Variants in AQR observed in about 807,000 individuals in gnomAD.
The protein encoded by AQR is aquarius intron-binding spliceosomal factor, also known as RNA helicase aquarius.
In AQR, 61 loss-of-function variants were observed where a neutral mutation model predicts 180.5. The ratio of observed to expected loss-of-function variants is 0.34; its 90% CI spans 0.28 to 0.42. The LOEUF (loss-of-function observed/expected upper bound fraction) is 0.42, where lower values mean the gene tolerates loss of function less well. Ranked by LOEUF, AQR falls within the 10% of genes least tolerant of loss-of-function variation. AQR has a pLI of 1.00. For missense variants in AQR, 1,281 were observed against 1,798.3 expected, an observed-to-expected ratio of 0.71 and a Z score of 5.20; for synonymous variants, 551 against 588.8, an observed-to-expected ratio of 0.94 and a Z score of 0.93.
At chr15:34,965,815 C>T (rs1282013311) in intron 1 of AQR, among the ~76,000 whole-genome samples, 1 of 152,194 alleles carries the variant, frequency 6.6e-6, no homozygotes, top group East Asian at 1.9e-4. Context: ...CAGTCATCTT[C>T]TTCTTACATC....
chr15:34,853,420 C>T lies in AQR; in HGVS notation c.*3372G>A, dbSNP rs1196568302. 1 of 152,106 alleles carries T rather than the reference C, an allele frequency of 6.6e-6. No individual in the cohort carries two copies. Among genetic ancestry groups the T allele is most frequent in the Non-Finnish European group, 1.5e-5 (1 of 68,006 alleles). 9.4% of individuals were successfully genotyped at this position (152,106 alleles called of 1,614,324 possible). On this transcript the variant is annotated 3_prime_UTR_variant, in exon 35 of 35. Transcript: ENST00000156471. Reference sequence around the variant, plus strand: ...ATTCAGAACTGATAGAAGTTATCAGCTCCATATTTCAGAAAGACCTAATGT... The same window carrying T: ...ATTCAGAACTGATAGAAGTTATCAGTTCCATATTTCAGAAAGACCTAATGT...
chr15:34,877,763 T>C (rs764423458), intron 27 of AQR, among the ~76,000 whole-genome samples: 5 of 152,240 alleles, frequency 3.3e-5, no homozygotes, highest in Non-Finnish European at 5.9e-5. Context: ...TTGCTCCATG[T>C]ATTTATTAGT....
At chr15:34,966,476 G>A (rs1030512741) in intron 1 of AQR, among the ~76,000 whole-genome samples, 1 of 152,158 alleles carries the variant, frequency 6.6e-6, no homozygotes, top group Admixed American at 6.5e-5. Context: ...CTTCAACAAA[G>A]TAATAATTTC....
At chr15:34,870,180 A>G (rs1307464146) in intron 31 of AQR, 1 of 87,856 alleles carries the variant, frequency 1.1e-5, no homozygotes, top group African/African-American at 2.8e-5. Flanking sequence ...CATTTGCATA[A>G]TTTCCAAAAA....
Position 34,910,186 on chromosome 15 carries a change from C to T in AQR, c.1612G>A (p.Asp538Asn). The T allele has an allele frequency of 6.2e-7, 1 of 1,614,230 alleles. No homozygotes were observed. The highest frequency in any genetic ancestry group is 8.5e-7 in the Non-Finnish European group (1 of 1,180,046). Residue 538 changes from aspartate (D) to asparagine (N), a missense_variant, in exon 17 of 35, where the codon GAT becomes AAT. Transcript: ENST00000156471. ...GENWPTRVRA[D>N]VTINLNVRDH... ...CTGACATTGAGATTTATGGTAACATCTGCACGAACTCGGGTTGGCCAGTTT... is the reference window on the plus strand; with the variant it reads ...CTGACATTGAGATTTATGGTAACATTTGCACGAACTCGGGTTGGCCAGTTT...
intron 31 of AQR, chr15:34,868,674 C>T (rs1892773651): frequency 6.6e-6 from 1 of 152,162 alleles, no homozygotes; most frequent in South Asian, 2.1e-4. Context: ...CTGCATCCCC[C>T]AGCCCCAGGC....
chr15:34,859,429 ACT>A (rs1272313419), intron 34 of AQR, among the ~76,000 whole-genome samples: 2 of 152,086 alleles, frequency 1.3e-5, no homozygotes, highest in East Asian at 3.9e-4. Context: ...AGCAACTAGA[ACT>A]CTCACACTGC....
At chr15:34,881,229 G>C (rs1892968396) in intron 27 of AQR, among the ~76,000 whole-genome samples, 1 of 152,040 alleles carries the variant, frequency 6.6e-6, no homozygotes, top group Admixed American at 6.6e-5. Context: ...ATTTGCAAAA[G>C]GGTAAGTTCA....
At chr15:34,913,063 A>G (rs961102468) in intron 16 of AQR, among the ~76,000 whole-genome samples, 1 of 152,282 alleles carries the variant, frequency 6.6e-6, no homozygotes, top group South Asian at 2.1e-4. Flanking sequence ...ATACCATAAC[A>G]TTTATCCACT....
rs140313708 is a variant in AQR, at chr15:34,965,649, C to T, written c.76-1359G>A. On this transcript the variant is annotated intron_variant, in intron 1 of 34. Coordinates refer to ENST00000156471, the MANE Select transcript of AQR (RefSeq NM_014691.3). ...CCAAGCCACTGCACTCCAGCCTGGG[C>T]GACAGAGCAAGACTCCGTCTCTAAA... 4.4e-3 allele frequency among the ~76,000 whole-genome samples: 664 copies of T among 152,150 alleles called. 4 individuals are homozygous for T. Among genetic ancestry groups the T allele is most frequent in the Admixed American group, 0.016 (240 of 15,266 alleles).
intron 19 of AQR, among the ~76,000 whole-genome samples, chr15:34,902,974 C>G (rs1263361227): frequency 6.6e-6 from 1 of 151,998 alleles, no homozygotes; most frequent in African/African-American, 2.4e-5. Context: ...AGTTATGATA[C>G]AGGCTCTGAG....
At chr15:34,919,974 T>C (rs750572759) in intron 14 of AQR, among the ~76,000 whole-genome samples, 2 of 152,176 alleles carry the variant, frequency 1.3e-5, no homozygotes, top group Non-Finnish European at 1.5e-5. Context: ...CATTTCTTTC[T>C]ATTGCAAAGA....
In AQR at chr15:34,855,368, C is replaced by T. The variant is rs570460368; in HGVS notation, c.*1424G>A. 6.6e-6 allele frequency: 1 copy of T among 152,312 alleles called. No individual in the cohort carries two copies. The highest frequency in any genetic ancestry group is 2.4e-5 in the African/African-American group (1 of 41,570). The allele number at this position is 152,312 out of a possible 1,614,324, so 9.4% of individuals were successfully genotyped here. ...AGTGTGCAGTTCTTGCTTGTTTCTT[C>T]AAAGATTCCTTGGACATGGCCAGGC... On this transcript the variant is annotated 3_prime_UTR_variant, in exon 35 of 35. Coordinates refer to ENST00000156471, the MANE Select transcript of AQR (RefSeq NM_014691.3).
chr15:34,920,027 A>T (rs1595797458), intron 14 of AQR, among the ~76,000 whole-genome samples: 1 of 152,222 alleles, frequency 6.6e-6, no homozygotes, highest in Non-Finnish European at 1.5e-5. Flanking sequence ...GAGGTTTTAC[A>T]TTGTCAGAAA....
intron 1 of AQR, among the ~76,000 whole-genome samples, chr15:34,965,433 G>A (rs147257369): frequency 0.013 from 2,028 of 152,250 alleles, 53 homozygotes; most frequent in African/African-American, 0.047. Flanking sequence ...AACTTTGGGA[G>A]GCCGAGGCAG....
chr15:34,949,114 T>C (rs2140501898), intron 4 of AQR, among the ~76,000 whole-genome samples: 1 of 151,852 alleles, frequency 6.6e-6, no homozygotes, highest in Admixed American at 6.6e-5. Flanking sequence ...TGCCTCTGCC[T>C]CCTGAGTAGC....
At position 34,938,547 on chromosome 15, in the gene AQR, T is replaced by A. The variant is rs185919642; in HGVS notation, c.718+190A>T. On this transcript the variant is annotated intron_variant, in intron 9 of 34. Transcript: ENST00000156471. ...CACTCTGTCTCAAAAAATAAATAAA[T>A]AAAATAAAATAACCCTTAAAGGCAG... is the stretch of plus-strand genomic sequence containing the variant. Among the ~76,000 whole-genome samples the A allele has an allele frequency of 8.9e-4, 135 of 151,846 alleles. 2 individuals carry two copies. The highest frequency in any genetic ancestry group is 8.3e-3 in the East Asian group (43 of 5,164).
intron 11 of AQR, 147 bp from the exon 12 acceptor site, chr15:34,930,518 A>G (rs537292245): frequency 1.3e-5 from 7 of 547,476 alleles, no homozygotes; most frequent in Non-Finnish European, 2.3e-5. Flanking sequence ...AGATTTTAGA[A>G]CATATCCAAC....
Position 34,860,160 on chromosome 15 carries a change from A to G in AQR, c.4030-5T>C. 3 of 1,444,514 alleles carry G rather than the reference A, an allele frequency of 2.1e-6. No individual in the cohort carries two copies. The highest frequency in any genetic ancestry group is 2.2e-5 in the Admixed American group (1 of 46,282). 89.5% of individuals were successfully genotyped at this position (1,444,514 alleles called of 1,614,324 possible). ...ATGAGATGGTCTCTCTCCATTCTAGAAGAAGGAAAAAAGAACGTTAAGTAT... is the reference window on the plus strand; with the variant it reads ...ATGAGATGGTCTCTCTCCATTCTAGGAGAAGGAAAAAAGAACGTTAAGTAT... On this transcript the variant is annotated splice_polypyrimidine_tract_variant and splice_region_variant and intron_variant, in intron 33 of 34. Transcript: ENST00000156471.
Sources: allele counts gnomAD v4.1 joint callset (sites outside exome capture counted in the v4.1 genomes callset), GRCh38; gene constraint gnomAD v4.1.1; transcripts MANE v1.5; gene names NCBI Gene and HGNC (gene_info 2026-07-23, HGNC 2026-07-21).